Variants in ASPRV1 observed in about 807,000 individuals in gnomAD.
ASPRV1 encodes the protein aspartic peptidase retroviral like 1.
In ASPRV1, 7 loss-of-function variants were observed where a neutral mutation model predicts 11.0. The observed-to-expected ratio is 0.64, with a 90% CI of 0.36 to 1.20. The LOEUF (loss-of-function observed/expected upper bound fraction) is 1.20. Among genes scored for constraint, ASPRV1 ranks in the 50% most tolerant of loss-of-function variants. The pLI, the probability that ASPRV1 is intolerant of heterozygous loss-of-function variation, is 0.02. For synonymous variants in ASPRV1, 136 were observed against 138.4 expected (o/e 0.98, Z 0.12); for missense variants, 299 against 320.0 (o/e 0.93, Z 0.50).
chr2:70,006,835 C>G, the ASPRV1 span, among the ~76,000 whole-genome samples: 1 of 152,162 alleles, frequency 6.6e-6, no homozygotes, highest in Non-Finnish European at 1.5e-5. Flanking sequence ...AGGTACATTG[C>G]TATGAGTGTA....
chr2:70,017,052 G>A, the ASPRV1 span, among the ~76,000 whole-genome samples: 8 of 152,080 alleles, frequency 5.3e-5, no homozygotes, highest in South Asian at 2.1e-4. Context: ...GTGCAGTGGC[G>A]TGATCTCAGA....
chr2:70,027,174 C>G, the ASPRV1 span, among the ~76,000 whole-genome samples: 440 of 147,682 alleles, frequency 3.0e-3, 1 homozygote, highest in Non-Finnish European at 4.2e-3. Flanking sequence ...GGGAGGACCA[C>G]TTGAGCCTGG....
chr2:69,946,108 A>G, the ASPRV1 span, among the ~76,000 whole-genome samples: 1 of 152,270 alleles, frequency 6.6e-6, no homozygotes, highest in East Asian at 1.9e-4. Context: ...TGGGCGTGGG[A>G]GAACCAGTAT....
the ASPRV1 span, among the ~76,000 whole-genome samples, chr2:70,057,545 C>T: frequency 6.6e-6 from 1 of 151,332 alleles, no homozygotes; most frequent in Non-Finnish European, 1.5e-5. Flanking sequence ...GTGGTGTGAT[C>T]TCGGCTCACT....
At chr2:69,973,928 C>T in the ASPRV1 span, among the ~76,000 whole-genome samples, 3 of 152,068 alleles carry the variant, frequency 2.0e-5, no homozygotes, top group Non-Finnish European at 4.4e-5. Flanking sequence ...TTTCAATCCA[C>T]CAATATGATG....
chr2:70,086,351 A>AT, the ASPRV1 span: 1 of 152,316 alleles, frequency 6.6e-6, no homozygotes, highest in South Asian at 2.1e-4. Flanking sequence ...TCCCTGAGAG[A>AT]TTGTGAAGCA....
At chr2:70,050,573 G>A in the ASPRV1 span, 5 of 152,078 alleles carry the variant, frequency 3.3e-5, no homozygotes, top group African/African-American at 1.2e-4. Context: ...AAGTTGAAAG[G>A]AAATGACAAA....
chr2:69,945,335 G>C, the ASPRV1 span, among the ~76,000 whole-genome samples: 1 of 152,184 alleles, frequency 6.6e-6, no homozygotes, highest in Non-Finnish European at 1.5e-5. Context: ...ATATATAAAA[G>C]TAAAGGACAT....
At chr2:70,079,462 G>C in the ASPRV1 span, among the ~76,000 whole-genome samples, 2 of 152,154 alleles carry the variant, frequency 1.3e-5, no homozygotes, top group Non-Finnish European at 2.9e-5. Flanking sequence ...AACAGAGTGA[G>C]AATCTGTCTC....
At chr2:70,008,231 TATTA>T in the ASPRV1 span, among the ~76,000 whole-genome samples, 4 of 152,190 alleles carry the variant, frequency 2.6e-5, no homozygotes, top group Non-Finnish European at 5.9e-5. Flanking sequence ...CAAGATTTCT[TATTA>T]ATTTTTTTAA....
chr2:70,023,283 CA>C, the ASPRV1 span, among the ~76,000 whole-genome samples: 1 of 152,312 alleles, frequency 6.6e-6, no homozygotes, highest in Non-Finnish European at 1.5e-5. Context: ...TGTGATACAA[CA>C]GCCAATCAGG....
chr2:70,039,749 A>G, the ASPRV1 span, among the ~76,000 whole-genome samples: 1 of 152,204 alleles, frequency 6.6e-6, no homozygotes, highest in African/African-American at 2.4e-5. Context: ...TAGCCCTCAG[A>G]TGCTTCCTCT....
At chr2:70,086,008 T>A in the ASPRV1 span, 1 of 152,238 alleles carries the variant, frequency 6.6e-6, no homozygotes, top group Admixed American at 6.5e-5. Flanking sequence ...CCCCCTATTA[T>A]CCACTATTAA....
At chr2:70,039,150 G>A in the ASPRV1 span, among the ~76,000 whole-genome samples, 3 of 151,840 alleles carry the variant, frequency 2.0e-5, no homozygotes, top group Non-Finnish European at 2.9e-5. Flanking sequence ...GTGGAGGGGT[G>A]GGCAAAAGTA....
the ASPRV1 span, among the ~76,000 whole-genome samples, chr2:70,066,234 A>G: frequency 6.6e-6 from 1 of 151,576 alleles, no homozygotes; most frequent in Admixed American, 6.6e-5. Context: ...TGGAAACATC[A>G]CTAACATCAT....
the ASPRV1 span, among the ~76,000 whole-genome samples, chr2:70,062,882 C>T: frequency 6.6e-6 from 1 of 152,142 alleles, no homozygotes; most frequent in Non-Finnish European, 1.5e-5. Flanking sequence ...AGCCATGGGA[C>T]TTAAGAGAAC....
chr2:70,079,823 A>G, the ASPRV1 span, among the ~76,000 whole-genome samples: 1 of 152,224 alleles, frequency 6.6e-6, no homozygotes, highest in African/African-American at 2.4e-5. Flanking sequence ...AGTACTATCC[A>G]ATGAACACAC....
the ASPRV1 span, among the ~76,000 whole-genome samples, chr2:70,037,542 C>T: frequency 3.9e-5 from 6 of 152,196 alleles, no homozygotes; most frequent in Non-Finnish European, 7.3e-5. Flanking sequence ...AGGCATGAGG[C>T]ACTGCGCCTG....
chr2:69,971,649 G>T, the ASPRV1 span, among the ~76,000 whole-genome samples: 1 of 152,356 alleles, frequency 6.6e-6, no homozygotes, highest in East Asian at 1.9e-4. Flanking sequence ...GGTGCTAAGA[G>T]CATCAGGTGC....
Sources: gnomAD v4.1 joint callset for allele counts (sites outside exome capture counted in the v4.1 genomes callset) on GRCh38, gnomAD v4.1.1 for gene constraint, MANE v1.5 for transcripts, NCBI Gene and HGNC (gene_info 2026-07-23, HGNC 2026-07-21) for gene names.